Variants in CCDC183 observed in about 807,000 individuals in gnomAD.
CCDC183 encodes the protein coiled-coil domain-containing protein 183.
A neutral mutation model predicts 65.2 loss-of-function variants in CCDC183; 63 were observed. The ratio of observed to expected loss-of-function variants is 0.97; its 90% confidence interval spans 0.79 to 1.19. The LOEUF (loss-of-function observed/expected upper bound fraction) is 1.19, where lower values mean the gene tolerates loss of function less well. Among genes scored for constraint, CCDC183 ranks in the 50% most tolerant of loss-of-function variants. The probability of loss-of-function intolerance (pLI) is 0.00; values close to 1 mark genes in which losing one functional copy is unlikely to be tolerated. For synonymous variants in CCDC183, 323 were observed against 276.5 expected (o/e 1.17, Z -1.67); for missense variants, 769 against 689.3 (o/e 1.12, Z -1.30).
intron 5 of CCDC183, chr9:136,800,701 A>C: frequency 1.7e-6 from 1 of 575,932 alleles, no homozygotes. Context: ...GGTATATCAG[A>C]ATTCTTCGGA....
chr9:136,799,314 C>A, intron 2 of CCDC183, 91 bp downstream of exon 2: 1 of 1,481,512 alleles, frequency 6.7e-7, no homozygotes, highest in Non-Finnish European at 9.0e-7. Context: ...CCTCTCCACC[C>A]CCACCCCAAT....
chr9:136,804,792 C>G lies in CCDC183; in HGVS notation c.823C>G (p.Leu275Val), dbSNP rs200940788. The G allele has an allele frequency of 1.8e-4, 292 of 1,613,888 alleles. No individual in the cohort carries two copies. The African/African-American group carries it at 3.6e-3, about 20-fold the overall frequency. Reference sequence around the variant, plus strand: ...GATGGACTTGGACTTCCCCTCGAACCTGATGAGCACGGAGACCCTGAAATG... The same window carrying G: ...GATGGACTTGGACTTCCCCTCGAACGTGATGAGCACGGAGACCCTGAAATG... ...GQMDLDFPSN[L>V]MSTETLKLRR... The change falls in exon 8 of 14, where the codon CTG (leucine) becomes GTG (valine). Residue 275 changes from leucine to valine, a missense_variant. By Grantham distance (32) the Leu-to-Val change is conservative. Transcript: ENST00000338005. The surrounding 1 kb of genome is among the most constrained non-coding windows in gnomAD (Gnocchi z 4.1).
chr9:136,806,992 C>T lies in CCDC183; in HGVS notation c.1412C>T (p.Thr471Ile), dbSNP rs1263179499. 3.1e-6 allele frequency: 5 copies of T among 1,613,722 alleles called. No homozygotes were observed. Among genetic ancestry groups the T allele is most frequent in the Middle Eastern group, 1.6e-4 (1 of 6,062 alleles). ...TEEGDTKVRDTLESSTLMEKY... is the reference protein window; with the variant it reads ...TEEGDTKVRDILESSTLMEKY... ...CAGGGCGACACAAAGGTGAGGGACA[C>T]CCTGGAGTCCTCGACTCTGATGGAG... Residue 471 changes from threonine (T) to isoleucine (I), a missense_variant, in exon 13 of 14, where the codon ACC becomes ATC. Physicochemically the swap from Thr to Ile is moderately conservative, Grantham distance 89 (BLOSUM62 -1). Coordinates refer to ENST00000338005, the MANE Select transcript of CCDC183 (RefSeq NM_001039374.5).
rs1847757627 is a variant in CCDC183 at position 136,802,793 on chromosome 9, T to C, written c.666+7T>C. ...GATCACGGATGAGGTCAAGGTGAGC[T>C]CAGGGCCCAGGGCTGGGGGCCCCCC... On this transcript the variant is annotated splice_region_variant and intron_variant, in intron 6 of 13. Coordinates refer to ENST00000338005, the MANE Select transcript of CCDC183 (RefSeq NM_001039374.5). 1 of 1,584,094 alleles carries C rather than the reference T, an allele frequency of 6.3e-7. No individual in the cohort carries two copies. The highest frequency in any genetic ancestry group is 1.4e-5 in the African/African-American group (1 of 72,128).
intron 6 of CCDC183, among the ~76,000 whole-genome samples, chr9:136,803,215 GGGGGCCCCCC>G (rs1847773949): frequency 9.8e-5 from 2 of 20,426 alleles, no homozygotes; most frequent in African/African-American, 1.3e-4. Flanking sequence ...GCCCAGGGCT[GGGGGCCCCCC>G]AGGGCCAGCC....
In CCDC183 at chr9:136,804,757, A is replaced by G; in HGVS notation, c.793-5A>G. On this transcript the variant is annotated splice_region_variant and splice_polypyrimidine_tract_variant and intron_variant, in intron 7 of 13. Transcript: ENST00000338005. This position sits in a 1 kb window ranked among gnomAD's most constrained non-coding sequence, Gnocchi z 4.1. ...CATCCCTTCCCCGCCCCCACCTCCC[A>G]TCAGGGCCAGATGGACTTGGACTTC... is the stretch of plus-strand genomic sequence containing the variant. The G allele has an allele frequency of 6.2e-7, 1 of 1,610,250 alleles. No individual in the cohort carries two copies. The highest frequency in any genetic ancestry group is 8.5e-7 in the Non-Finnish European group (1 of 1,178,154).
At chr9:136,800,527 G>C (rs751997235) in intron 5 of CCDC183, 34 bp downstream of exon 5, 2 of 1,504,738 alleles carry the variant, frequency 1.3e-6, no homozygotes, top group Non-Finnish European at 1.8e-6. Context: ...GCGGGGGTCA[G>C]GGGCTGGGAT....
chr9:136,799,338 G>C, intron 2 of CCDC183, 115 bp downstream of exon 2: 2 of 1,424,832 alleles, frequency 1.4e-6, no homozygotes, highest in Non-Finnish European at 9.2e-7. Context: ...TCTGGATCCA[G>C]GGGGCATGTG....
At position 136,804,676 on chromosome 9, in the gene CCDC183, G is replaced by C. The variant is rs1428836450; in HGVS notation, c.792+49G>C. 6.2e-7 allele frequency: 1 copy of C among 1,612,992 alleles called. No homozygotes were observed. ...CTGGCTGCCCATCCCCATGACAGCT[G>C]GGTGGACACAGGCTCAGGGCCACCA... On this transcript the variant is annotated intron_variant, in intron 7 of 13. Transcript: ENST00000338005. This position sits in a 1 kb window ranked among gnomAD's most constrained non-coding sequence, Gnocchi z 4.1.
intron 8 of CCDC183, chr9:136,805,032 C>A: frequency 1.7e-6 from 1 of 601,738 alleles, no homozygotes; most frequent in South Asian, 2.0e-5. Flanking sequence ...GGGCCCTGCA[C>A]CAAGGGCCCA....
Position 136,799,190 on chromosome 9 carries a change from C to T in CCDC183, c.159C>T (p.Arg53=), listed in dbSNP as rs1847698764. ...ATLALLRSNI[R]RGAQDWALAK... ...TGGCCCTCCTGCGCAGCAACATCCG[C>T]CGCGGGGCCCAGGACTGGGCTTTGG... is the stretch of plus-strand genomic sequence containing the variant. The change falls in exon 2 of 14, where the codon CGC becomes CGT. Residue 53 remains arginine (R), a synonymous_variant. Coordinates refer to ENST00000338005, the MANE Select transcript of CCDC183 (RefSeq NM_001039374.5). The T allele has an allele frequency of 3.1e-6, 5 of 1,610,758 alleles. No individual in the cohort carries two copies. Among genetic ancestry groups the T allele is most frequent in the Non-Finnish European group, 3.4e-6 (4 of 1,178,848 alleles).
At chr9:136,806,418 C>T (rs1847850906) in intron 10 of CCDC183, 86 bp from the exon 11 acceptor site, 4 of 1,555,334 alleles carry the variant, frequency 2.6e-6, no homozygotes, top group Non-Finnish European at 3.5e-6. Context: ...TGGCACAGCA[C>T]CCAACTCAGG....
chr9:136,796,570 T>C (rs979294344), intron 1 of CCDC183, 103 bp downstream of exon 1: 2 of 806,708 alleles, frequency 2.5e-6, no homozygotes, highest in Non-Finnish European at 4.1e-6. Flanking sequence ...ACTGTCTATG[T>C]AGAAAAGGAA....
At chr9:136,802,393 T>C (rs1350148053) in intron 5 of CCDC183, among the ~76,000 whole-genome samples, 1 of 152,188 alleles carries the variant, frequency 6.6e-6, no homozygotes, top group South Asian at 2.1e-4. Context: ...CGGGTTTCAG[T>C]CAGCCTTTTC....
chr9:136,799,989 C>T lies in CCDC183; in HGVS notation c.271-13C>T, dbSNP rs1257346176. On this transcript the variant is annotated splice_polypyrimidine_tract_variant and intron_variant, in intron 3 of 13. Transcript: ENST00000338005. ...TACGCAACCACGAGTGGGCGGTGCC[C>T]TTCCCGACCCAGGTGGTGCGGGAGA... is the stretch of plus-strand genomic sequence containing the variant. 1 of 1,579,070 alleles carries T rather than the reference C, an allele frequency of 6.3e-7. No homozygotes were observed. The highest frequency in any genetic ancestry group is 1.3e-5 in the African/African-American group (1 of 74,554).
Position 136,806,059 on chromosome 9 carries a change from T to A in CCDC183, c.949-19T>A. On this transcript the variant is annotated intron_variant, in intron 9 of 13. Coordinates refer to ENST00000338005, the MANE Select transcript of CCDC183 (RefSeq NM_001039374.5). The stretch of plus-strand genomic sequence containing the variant: ...CCATCCTGGCCCACACCTGCTTCTC[T>A]CTCCCCCGGACTGGCCAGGACATCA... 1 of 1,545,064 alleles carries A rather than the reference T, an allele frequency of 6.5e-7. No individual in the cohort carries two copies. Among genetic ancestry groups the A allele is most frequent in the Admixed American group, 2.0e-5 (1 of 50,496 alleles).
chr9:136,797,855 C>T (rs938278532), intron 1 of CCDC183, among the ~76,000 whole-genome samples: 13 of 152,250 alleles, frequency 8.5e-5, no homozygotes, highest in African/African-American at 2.6e-4. Context: ...GAGTCTCGCT[C>T]TGTCACGCAG....
chr9:136,796,384 G>T lies in CCDC183; in HGVS notation c.-14G>T, dbSNP rs752828047. On this transcript the variant is annotated 5_prime_UTR_variant, in exon 1 of 14. Transcript: ENST00000338005. The stretch of plus-strand genomic sequence containing the variant: ...TGAGGTACACAGGGTCCCTTGGGGG[G>T]CCTGAGAGCAGCCATGAGGAGGCAC... The T allele has an allele frequency of 1.3e-6, 2 of 1,568,154 alleles. No homozygotes were observed. The highest frequency in any genetic ancestry group is 1.7e-6 in the Non-Finnish European group (2 of 1,152,656).
At chr9:136,805,287 T>G in intron 8 of CCDC183, 70 bp from the exon 9 acceptor site, 2 of 1,305,186 alleles carry the variant, frequency 1.5e-6, no homozygotes, top group Non-Finnish European at 2.2e-6. Context: ...TACAGAGGTG[T>G]CTGACAGCCT....
Sources: allele counts gnomAD v4.1 joint callset (sites outside exome capture counted in the v4.1 genomes callset), GRCh38; gene constraint gnomAD v4.1.1; non-coding constraint Gnocchi (gnomAD v3.1); transcripts MANE v1.5; gene names NCBI Gene and HGNC (gene_info 2026-07-23, HGNC 2026-07-21).